Variants in TGFBR1 observed in about 807,000 individuals in gnomAD.
TGFBR1 encodes TGF-beta receptor type-1.
Under a neutral mutation model 55.1 loss-of-function variants are expected in TGFBR1, and 20 were observed. That is an observed-to-expected ratio of 0.36 (90% CI 0.26 to 0.53). The LOEUF (loss-of-function observed/expected upper bound fraction) is 0.53. Ranked by LOEUF, TGFBR1 falls within the 20% of genes least tolerant of loss-of-function variation. The probability of loss-of-function intolerance (pLI) is 0.91; values close to 1 mark genes in which losing one functional copy is unlikely to be tolerated. For synonymous variants in TGFBR1, 220 were observed against 214.8 expected (o/e 1.02, Z -0.21); for missense variants, 385 against 617.6 (o/e 0.62, Z 3.99).
At chr9:99,111,632 A>G (rs1826584330) in intron 1 of TGFBR1, among the ~76,000 whole-genome samples, 1 of 152,150 alleles carries the variant, frequency 6.6e-6, no homozygotes, top group Non-Finnish European at 1.5e-5. Flanking sequence ...CCATCTCAAC[A>G]AAAACAAACA....
chr9:99,123,660 T>C (rs11466456), intron 1 of TGFBR1, among the ~76,000 whole-genome samples: 8,958 of 152,282 alleles, frequency 0.059, 391 homozygotes, highest in Non-Finnish European at 0.084. Flanking sequence ...TTTTTAAAAT[T>C]GTTTTGCTTT....
intron 4 of TGFBR1, 55 bp from the exon 5 acceptor site, chr9:99,142,481 C>G: frequency 6.3e-7 from 1 of 1,599,222 alleles, no homozygotes; most frequent in South Asian, 1.1e-5. Context: ...AACCATTGAA[C>G]AAATAAATCA....
chr9:99,145,363 A>G (rs1423354856), intron 6 of TGFBR1, among the ~76,000 whole-genome samples: 2 of 152,156 alleles, frequency 1.3e-5, no homozygotes, highest in African/African-American at 4.8e-5. Context: ...CCTTTCCCGT[A>G]GGAAGTTTTT....
At chr9:99,147,571 A>T (rs768560157) in intron 7 of TGFBR1, 83 bp from the exon 8 acceptor site, 10 of 1,290,012 alleles carry the variant, frequency 7.8e-6, no homozygotes, top group Non-Finnish European at 1.1e-5. Flanking sequence ...AAACACTGTA[A>T]TAGGTCTCTC....
At chr9:99,146,387 A>G in intron 6 of TGFBR1, 98 bp from the exon 7 acceptor site, 1 of 1,339,020 alleles carries the variant, frequency 7.5e-7, no homozygotes, top group Admixed American at 1.7e-5. Flanking sequence ...AATATTGTGT[A>G]CATATGTCTA....
Position 99,151,980 on chromosome 9 carries a change from C to G in TGFBR1, c.*2675C>G, listed in dbSNP as rs1827990868. Reference sequence around the variant, plus strand: ...GCGTCCATATTCATTTTGTCAGTAGCCAGGAGAAATGGGGATGGGGGAAAT... The same window carrying G: ...GCGTCCATATTCATTTTGTCAGTAGGCAGGAGAAATGGGGATGGGGGAAAT... On this transcript the variant is annotated 3_prime_UTR_variant, in exon 9 of 9. Transcript: ENST00000374994. 2 of 196,960 alleles carry G rather than the reference C, an allele frequency of 1.0e-5. No individual in the cohort carries two copies. The highest frequency in any genetic ancestry group is 2.1e-5 in the Non-Finnish European group (2 of 94,962). 12.2% of individuals were successfully genotyped at this position (196,960 alleles called of 1,614,324 possible). A position where few individuals can be genotyped will look rare whatever the true frequency, so the allele number is the denominator to read the frequency against.
chr9:99,114,568 C>T (rs757653839), intron 1 of TGFBR1, among the ~76,000 whole-genome samples: 13 of 152,180 alleles, frequency 8.5e-5, no homozygotes, highest in Non-Finnish European at 1.8e-4. Context: ...GTGCTGCTGC[C>T]TCCATCTTTC....
rs1827265540 is a variant in TGFBR1 at position 99,132,490 on chromosome 9, A to G, written c.344-19A>G. On this transcript the variant is annotated intron_variant, in intron 2 of 8. Transcript: ENST00000374994. ...TTTTGTCGTTGTTGATGTTTATTTC[A>G]CTCGAGGCCCTTTTTCAGTAAAGTC... The G allele has an allele frequency of 1.2e-6, 2 of 1,613,022 alleles. No homozygotes were observed. The highest frequency in any genetic ancestry group is 1.7e-6 in the Non-Finnish European group (2 of 1,179,930).
At chr9:99,123,797 A>G (rs1176174846) in intron 1 of TGFBR1, among the ~76,000 whole-genome samples, 3 of 152,150 alleles carry the variant, frequency 2.0e-5, no homozygotes, top group Non-Finnish European at 4.4e-5. Flanking sequence ...TTTGGGAAGA[A>G]GTTTACCTTT....
At chr9:99,131,883 G>A (rs138334938) in intron 2 of TGFBR1, among the ~76,000 whole-genome samples, 1 of 151,842 alleles carries the variant, frequency 6.6e-6, no homozygotes, top group East Asian at 1.9e-4. Flanking sequence ...CAGGAGAATC[G>A]CTTGAACCCG....
In TGFBR1 at chr9:99,153,003, A is replaced by G. The variant is rs200670357; in HGVS notation, c.*3698A>G. 79 of 228,858 alleles carry G rather than the reference A, an allele frequency of 3.5e-4. No homozygotes were observed. Among genetic ancestry groups the G allele is most frequent in the African/African-American group, 1.7e-3 (77 of 45,258 alleles). The allele number at this position is 228,858 out of a possible 1,614,324, so 14.2% of individuals were successfully genotyped here. A position where few individuals can be genotyped will look rare whatever the true frequency, so the allele number is the denominator to read the frequency against. On this transcript the variant is annotated 3_prime_UTR_variant, in exon 9 of 9. Coordinates refer to ENST00000374994, the MANE Select transcript of TGFBR1 (RefSeq NM_004612.4). ...AACCTGTTTATTACAACTTAAAAGG[A>G]ACTTCAGTGAATTTGTTTTTATTTT...
At chr9:99,111,489 C>T (rs1399766752) in intron 1 of TGFBR1, among the ~76,000 whole-genome samples, 2 of 151,632 alleles carry the variant, frequency 1.3e-5, no homozygotes, top group African/African-American at 2.4e-5. Context: ...ATTAGCTGGA[C>T]GTAGTGGCAG....
At chr9:99,105,543 AG>A (rs985687468) in intron 1 of TGFBR1, among the ~76,000 whole-genome samples, 3 of 150,628 alleles carry the variant, frequency 2.0e-5, no homozygotes, top group Non-Finnish European at 3.0e-5. Flanking sequence ...CGGCTGCCCG[AG>A]GCCGCCCCGC....
intron 1 of TGFBR1, among the ~76,000 whole-genome samples, chr9:99,108,862 A>G (rs558263232): frequency 6.6e-6 from 1 of 152,358 alleles, no homozygotes; most frequent in African/African-American, 2.4e-5. Flanking sequence ...GAGGGAGAAT[A>G]ACATTATGGG....
rs528638338 is a variant in TGFBR1 at position 99,146,256 on chromosome 9, G to C, written c.1131-229G>C. ...ATGTATGTCTTTCATTGGAAACCAA[G>C]ATCATGAGGCAGATAGTGTGAAACT... On this transcript the variant is annotated intron_variant, in intron 6 of 8. Transcript: ENST00000374994. 3.3e-5 allele frequency among the ~76,000 whole-genome samples: 5 copies of C among 152,280 alleles called. No individual in the cohort carries two copies. The East Asian group carries it at 7.7e-4, about 24-fold the overall frequency.
intron 8 of TGFBR1, among the ~76,000 whole-genome samples, chr9:99,148,811 G>A (rs1362625158): frequency 1.3e-5 from 2 of 151,352 alleles, no homozygotes; most frequent in Non-Finnish European, 2.9e-5. Flanking sequence ...CACTTTGGGC[G>A]GCAGAGTGAG....
chr9:99,133,664 C>T (rs1016958485), intron 3 of TGFBR1, among the ~76,000 whole-genome samples: 2 of 151,996 alleles, frequency 1.3e-5, no homozygotes, highest in African/African-American at 4.8e-5. Context: ...AATATGGAAC[C>T]CATACTGTTG....
intron 1 of TGFBR1, among the ~76,000 whole-genome samples, chr9:99,126,980 G>T (rs1478856791): frequency 6.6e-6 from 1 of 152,122 alleles, no homozygotes; most frequent in East Asian, 1.9e-4. Context: ...GCTACTTGAG[G>T]GAGAACCTGA....
chr9:99,117,858 A>G (rs1344677194), intron 1 of TGFBR1, among the ~76,000 whole-genome samples: 1 of 152,188 alleles, frequency 6.6e-6, no homozygotes, highest in African/African-American at 2.4e-5. Context: ...CCCACTGAAT[A>G]AAAAAACCCT....
Sources: gnomAD v4.1 joint callset for allele counts (sites outside exome capture counted in the v4.1 genomes callset) on GRCh38, gnomAD v4.1.1 for gene constraint, MANE v1.5 for transcripts, NCBI Gene and HGNC (gene_info 2026-07-23, HGNC 2026-07-21) for gene names.